Variants in ARIH2 observed in about 807,000 individuals in gnomAD.
ARIH2 encodes the protein ariadne RBR E3 ubiquitin protein ligase 2, also known as E3 ubiquitin-protein ligase ARIH2.
A neutral mutation model predicts 79.8 loss-of-function variants in ARIH2; 12 were observed. The observed-to-expected ratio is 0.15, with a 90% CI of 0.10 to 0.24. The LOEUF is 0.24. ARIH2 is among the 10% of genes least tolerant of loss of function. ARIH2 has a pLI of 1.00. For missense variants in ARIH2, 301 were observed against 618.3 expected, an observed-to-expected ratio of 0.49 and a Z score of 5.44; for synonymous variants, 224 against 213.9, an observed-to-expected ratio of 1.05 and a Z score of -0.41.
At chr3:48,943,671 A>G (rs1349830699) in intron 3 of ARIH2, 1 of 152,158 alleles carries the variant, frequency 6.6e-6, no homozygotes, top group Non-Finnish European at 1.5e-5. Flanking sequence ...ATATGTTTCT[A>G]GCAAAAAGGG....
intron 3 of ARIH2, among the ~76,000 whole-genome samples, chr3:48,941,140 C>G (rs1277520688): frequency 6.7e-6 from 1 of 148,958 alleles, no homozygotes; most frequent in African/African-American, 2.5e-5. Flanking sequence ...CCACTGCACT[C>G]CAGCCTGGGT....
At chr3:48,980,248 T>G in intron 12 of ARIH2, 105 bp from the exon 13 acceptor site, 1 of 1,171,086 alleles carries the variant, frequency 8.5e-7, no homozygotes, top group Non-Finnish European at 1.2e-6. Context: ...GTTAGAGGAG[T>G]CTGTGGCCAT....
intron 3 of ARIH2, among the ~76,000 whole-genome samples, chr3:48,957,215 T>C (rs1277375636): frequency 6.6e-6 from 1 of 152,242 alleles, no homozygotes; most frequent in Non-Finnish European, 1.5e-5. Context: ...AGTAGAGGGT[T>C]ATGTTGTTAT....
intron 4 of ARIH2, among the ~76,000 whole-genome samples, chr3:48,963,897 T>C (rs2091522772): frequency 6.6e-6 from 1 of 152,206 alleles, no homozygotes; most frequent in Non-Finnish European, 1.5e-5. Flanking sequence ...CCATTTTTTA[T>C]TGAGTTATTT....
intron 1 of ARIH2, chr3:48,919,303 G>C: frequency 1.0e-6 from 1 of 958,476 alleles, no homozygotes; most frequent in Non-Finnish European, 1.4e-6. Flanking sequence ...GCGGGGAAAC[G>C]CGCCGCCTCG....
chr3:48,981,530 A>G, intron 13 of ARIH2, 130 bp from the exon 14 acceptor site: 2 of 601,828 alleles, frequency 3.3e-6, no homozygotes, highest in Admixed American at 2.8e-5. Context: ...GCCTAGTATC[A>G]TTTCTTTCAG....
chr3:48,959,815 A>G (rs1387712692), intron 3 of ARIH2, among the ~76,000 whole-genome samples: 16 of 152,232 alleles, frequency 1.1e-4, no homozygotes, highest in Admixed American at 1.0e-3. Context: ...TAGGACAGGA[A>G]GGCACTCACT....
chr3:48,969,622 G>C (rs910980577), intron 7 of ARIH2, among the ~76,000 whole-genome samples: 5 of 151,562 alleles, frequency 3.3e-5, no homozygotes, highest in African/African-American at 1.2e-4. Context: ...CGAGCAACTG[G>C]GACTACTGGC....
intron 6 of ARIH2, 120 bp downstream of exon 6, chr3:48,967,395 C>T: frequency 8.9e-7 from 1 of 1,122,560 alleles, no homozygotes; most frequent in Non-Finnish European, 1.3e-6. Context: ...TTTTTATCAT[C>T]AGAACTAGTG....
At chr3:48,932,736 T>C (rs1187509806) in intron 3 of ARIH2, among the ~76,000 whole-genome samples, 4 of 152,026 alleles carry the variant, frequency 2.6e-5, no homozygotes, top group African/African-American at 9.7e-5. Context: ...ATGTTAGGGG[T>C]GTGGGCAGGA....
At chr3:48,923,070 A>G (rs996483396) in intron 2 of ARIH2, among the ~76,000 whole-genome samples, 1 of 151,602 alleles carries the variant, frequency 6.6e-6, no homozygotes, top group Non-Finnish European at 1.5e-5. Context: ...AGCCGGGCGT[A>G]GTGGCGGGCG....
At chr3:48,924,367 A>ATTG (rs1210548753) in intron 2 of ARIH2, among the ~76,000 whole-genome samples, 1 of 151,182 alleles carries the variant, frequency 6.6e-6, no homozygotes, top group East Asian at 1.9e-4. Flanking sequence ...TATTATTATT[A>ATTG]TTATTATTTT....
intron 14 of ARIH2, among the ~76,000 whole-genome samples, chr3:48,982,433 A>G (rs2092783501): frequency 6.6e-6 from 1 of 152,216 alleles, no homozygotes; most frequent in African/African-American, 2.4e-5. Flanking sequence ...TAAATAGGAC[A>G]TTGAGGAATA....
At chr3:48,955,705 T>G (rs184896233) in intron 3 of ARIH2, among the ~76,000 whole-genome samples, 86 of 152,310 alleles carry the variant, frequency 5.6e-4, no homozygotes, top group African/African-American at 1.9e-3. Flanking sequence ...ATTTTTACCT[T>G]TAATCTGGCT....
intron 3 of ARIH2, among the ~76,000 whole-genome samples, chr3:48,941,980 A>G (rs1210087913): frequency 5.4e-5 from 8 of 146,866 alleles, no homozygotes; most frequent in Non-Finnish European, 9.0e-5. Context: ...CCGCCCCCCG[A>G]GTTCAGGTGA....
Position 48,964,228 on chromosome 3 carries a change from A to G in ARIH2, c.324-691A>G, listed in dbSNP as rs545755901. Among the ~76,000 whole-genome samples the G allele has an allele frequency of 4.6e-5, 7 of 152,074 alleles. No homozygotes were observed. The South Asian group carries it at 1.5e-3, about 32-fold the overall frequency. On this transcript the variant is annotated intron_variant, in intron 4 of 15. Transcript: ENST00000356401. ...CACCATATTGGCCAGGTTGGTCTCA[A>G]ACTCCTGACCTCAAGTGATTTACCC... is the stretch of plus-strand genomic sequence containing the variant.
intron 11 of ARIH2, among the ~76,000 whole-genome samples, chr3:48,976,639 C>T (rs1007142061): frequency 5.3e-5 from 8 of 152,184 alleles, no homozygotes; most frequent in African/African-American, 1.7e-4. Context: ...CTTTCGCTCT[C>T]TTTTTCTTTG....
At chr3:48,921,409 G>A (rs2084794247) in intron 1 of ARIH2, 2 of 146,362 alleles carry the variant, frequency 1.4e-5, no homozygotes, top group Non-Finnish European at 1.5e-5. Flanking sequence ...TATTTGGTTG[G>A]TGAAAAGCCT....
At chr3:48,967,015 T>C in intron 5 of ARIH2, 110 bp from the exon 6 acceptor site, 1 of 1,191,244 alleles carries the variant, frequency 8.4e-7, no homozygotes, top group Non-Finnish European at 1.2e-6. Flanking sequence ...TGAGCTCTGA[T>C]ACTTGTTGCA....
Sources: allele counts gnomAD v4.1 joint callset (sites outside exome capture counted in the v4.1 genomes callset), GRCh38; gene constraint gnomAD v4.1.1; transcripts MANE v1.5; gene names NCBI Gene and HGNC (gene_info 2026-07-23, HGNC 2026-07-21).